ATL1: variants seen among roughly 807,000 people sequenced by gnomAD.
ATL1 encodes the protein atlastin GTPase 1.
In ATL1, 31 loss-of-function variants were observed where a neutral mutation model predicts 75.5. That is an observed-to-expected ratio of 0.41 (90% CI 0.31 to 0.55). The LOEUF is 0.55. ATL1 is among the 20% of genes least tolerant of loss of function. The pLI is 0.27. For synonymous variants in ATL1, 226 were observed against 233.3 expected, an observed-to-expected ratio of 0.97 and a Z score of 0.28; for missense variants, 405 against 662.6, an observed-to-expected ratio of 0.61 and a Z score of 4.27.
intron 4 of ATL1, among the ~76,000 whole-genome samples, chr14:50,592,870 G>A (rs1171945639): frequency 4.3e-5 from 6 of 140,938 alleles, no homozygotes; most frequent in African/African-American, 1.4e-4. Flanking sequence ...CCGAGATTGC[G>A]CCACTGCACT....
At chr14:50,559,159 T>C (rs1296584687), upstream of ATL1, 3 of 152,162 alleles carry the variant, frequency 2.0e-5, no homozygotes, top group East Asian at 5.8e-4. Context: ...GTAAATTACA[T>C]TGAGAGAGTG....
At chr14:50,631,550 T>C (rs558823869) in intron 13 of ATL1, among the ~76,000 whole-genome samples, 4 of 152,158 alleles carry the variant, frequency 2.6e-5, no homozygotes, top group African/African-American at 7.2e-5. Flanking sequence ...TGAACACTTA[T>C]ATAAAGCAAT....
intron 6 of ATL1, among the ~76,000 whole-genome samples, chr14:50,612,391 G>C (rs1319642817): frequency 6.6e-6 from 1 of 152,054 alleles, no homozygotes; most frequent in Non-Finnish European, 1.5e-5. Flanking sequence ...GCAGTTTTCT[G>C]TATGTGGACT....
At chr14:50,568,730 A>G (rs1307764915) in intron 1 of ATL1, among the ~76,000 whole-genome samples, 1 of 152,042 alleles carries the variant, frequency 6.6e-6, no homozygotes, top group Admixed American at 6.6e-5. Context: ...TATTTGTCTT[A>G]TAGCTTTTTT....
chr14:50,551,236 C>A (rs973038561), intron 1 of ATL1, among the ~76,000 whole-genome samples: 2 of 152,050 alleles, frequency 1.3e-5, no homozygotes, highest in Non-Finnish European at 2.9e-5. Flanking sequence ...TCATTCAAGG[C>A]TACTATGAAC....
intron 1 of ATL1, among the ~76,000 whole-genome samples, chr14:50,536,396 A>T: frequency 6.7e-6 from 1 of 149,056 alleles, no homozygotes; most frequent in African/African-American, 2.5e-5. Flanking sequence ...AGATTGCACC[A>T]TTGCACTCCA....
rs119476046 is a variant in ATL1 at position 50,613,343 on chromosome 14, C to T, written c.715C>T (p.Arg239Cys). The change falls in exon 7 of 14, where the codon CGC becomes TGC. Residue 239 changes from arginine to cysteine, a missense_variant. This residue lies in a region of ATL1 where 59 missense variants were observed against 161.4 expected (regional missense o/e 0.37). Transcript: ENST00000358385. Reference protein sequence around the residue: ...ADGGAKFLEKRLKVSGNQHEE... With the variant: ...ADGGAKFLEKCLKVSGNQHEE... ...TGGTGGTGCCAAATTCTTGGAAAAA[C>T]GCCTCAAGGTTTGTTAGATATTTAG... The T allele has an allele frequency of 6.2e-7, 1 of 1,612,120 alleles. No individual in the cohort carries two copies. The highest frequency in any genetic ancestry group is 8.5e-7 in the Non-Finnish European group (1 of 1,178,824).
chr14:50,614,571 T>C (rs553167729), intron 8 of ATL1, 60 bp downstream of exon 8: 745 of 1,561,000 alleles, frequency 4.8e-4, no homozygotes, highest in Non-Finnish European at 6.2e-4. Flanking sequence ...AATGTCATTT[T>C]ATCTATTGGG....
chr14:50,582,265 TGA>T (rs2039062905), intron 1 of ATL1, among the ~76,000 whole-genome samples: 1 of 151,200 alleles, frequency 6.6e-6, no homozygotes, highest in African/African-American at 2.4e-5. Flanking sequence ...GGTGACAGAG[TGA>T]GTCTCCATCT....
intron 1 of ATL1, among the ~76,000 whole-genome samples, chr14:50,550,498 T>A (rs2038689051): frequency 6.6e-6 from 1 of 152,188 alleles, no homozygotes; most frequent in Non-Finnish European, 1.5e-5. Context: ...GTTGCAATGG[T>A]ATGCCTTGGG....
intron 1 of ATL1, among the ~76,000 whole-genome samples, chr14:50,564,062 A>T (rs1323670438): frequency 6.6e-6 from 1 of 152,174 alleles, no homozygotes; most frequent in African/African-American, 2.4e-5. Context: ...TCTAGGATTA[A>T]GCTGATATAA....
chr14:50,544,247 G>T (rs1231834281), intron 1 of ATL1, among the ~76,000 whole-genome samples: 1 of 152,208 alleles, frequency 6.6e-6, no homozygotes, highest in East Asian at 1.9e-4. Context: ...TAAGGGTTAT[G>T]GGAAAGTGGA....
chr14:50,605,874 G>T (rs1298164952), intron 6 of ATL1, among the ~76,000 whole-genome samples: 1 of 151,982 alleles, frequency 6.6e-6, no homozygotes, highest in Non-Finnish European at 1.5e-5. Context: ...TGGGTTAAAA[G>T]AATTCCTTAA....
rs2039246083 is a variant in ATL1, at chr14:50,598,879, A to C, written c.630+3247A>C. Among the ~76,000 whole-genome samples the C allele has an allele frequency of 2.8e-5, 4 of 144,940 alleles. No individual in the cohort carries two copies. The South Asian group carries it at 6.3e-4, about 23-fold the overall frequency. ...TAAATGGGTTAATAGTTGGGTTTGG[A>C]AAAACAAGTTCACTATTTGAAGAAA... On this transcript the variant is annotated intron_variant, in intron 6 of 13. Coordinates refer to ENST00000358385, the MANE Select transcript of ATL1 (RefSeq NM_015915.5).
At chr14:50,620,494 T>C (rs752370469) in intron 8 of ATL1, 105 bp from the exon 9 acceptor site, 9 of 1,196,498 alleles carry the variant, frequency 7.5e-6, no homozygotes, top group Non-Finnish European at 1.1e-5. Context: ...AGTGATGGCA[T>C]TATCACTGGG....
intron 6 of ATL1, among the ~76,000 whole-genome samples, chr14:50,607,820 T>C (rs2039329185): frequency 6.6e-6 from 1 of 152,088 alleles, no homozygotes; most frequent in Non-Finnish European, 1.5e-5. Flanking sequence ...ACTGACATAG[T>C]CAACTCATGT....
intron 8 of ATL1, among the ~76,000 whole-genome samples, 178 bp from the exon 9 acceptor site, chr14:50,620,421 C>A (rs1001162268): frequency 3.3e-5 from 5 of 151,946 alleles, no homozygotes; most frequent in Non-Finnish European, 5.9e-5. Flanking sequence ...GAAATTTGGG[C>A]AAGGAGAATC....
At chr14:50,625,409 T>C (rs905482947) in intron 11 of ATL1, among the ~76,000 whole-genome samples, 3 of 152,192 alleles carry the variant, frequency 2.0e-5, no homozygotes, top group Non-Finnish European at 4.4e-5. Flanking sequence ...AAGATCTACC[T>C]GAGATCATTG....
At chr14:50,598,822 C>T (rs1438686199) in intron 6 of ATL1, among the ~76,000 whole-genome samples, 1 of 150,360 alleles carries the variant, frequency 6.7e-6, no homozygotes, top group Non-Finnish European at 1.5e-5. Context: ...GCCTGGTAGT[C>T]AATAGAGGTG....
Sources: gnomAD v4.1 joint callset for allele counts (sites outside exome capture counted in the v4.1 genomes callset) on GRCh38, gnomAD v4.1.1 for gene constraint, gnomAD v4.1.1 regional missense constraint, MANE v1.5 for transcripts, NCBI Gene and HGNC (gene_info 2026-07-23, HGNC 2026-07-21) for gene names.